The following CRACDL variants were observed in gnomAD, a reference collection of about 807,000 sequenced individuals.
CRACDL encodes CRACD-like protein.
CRACDL carries 26 observed loss-of-function variants against 70.6 expected under a neutral mutation model. That is an observed-to-expected ratio of 0.37 (90% CI 0.27 to 0.51). CRACDL has a LOEUF of 0.51. Among genes scored for constraint, CRACDL ranks in the 20% least tolerant of loss-of-function variants. The probability of loss-of-function intolerance (pLI) is 0.94; values close to 1 mark genes in which losing one functional copy is unlikely to be tolerated. For synonymous variants in CRACDL, 618 were observed against 615.2 expected, an observed-to-expected ratio of 1.00 and a Z score of -0.07; for missense variants, 1,283 against 1,376.9, an observed-to-expected ratio of 0.93 and a Z score of 1.08.
intron 6 of CRACDL, among the ~76,000 whole-genome samples, chr2:98,826,189 G>T (rs886373403): frequency 1.1e-4 from 17 of 152,180 alleles, no homozygotes; most frequent in African/African-American, 3.4e-4. Context: ...AGGACTAGGA[G>T]GTAACGACAC....
chr2:98,933,391 G>T (rs944476727), intron 1 of CRACDL, among the ~76,000 whole-genome samples: 9 of 152,200 alleles, frequency 5.9e-5, no homozygotes, highest in African/African-American at 2.2e-4. Context: ...TCCCACCAGG[G>T]ACGAAGCTAC....
In CRACDL at chr2:98,848,412, G is replaced by A. The variant is rs532387108; in HGVS notation, c.-10-1602C>T. On this transcript the variant is annotated intron_variant, in intron 1 of 9. Coordinates refer to ENST00000397899, the MANE Select transcript of CRACDL (RefSeq NM_207362.3). ...GAGGCAATGGAGAAGGAAAACATAC[G>A]GTGTAAGGGGAAGAGTGAAGATGGT... Among the ~76,000 whole-genome samples, 9 of 152,194 alleles carry A rather than the reference G, an allele frequency of 5.9e-5. No homozygotes were observed. The East Asian group carries it at 1.5e-3, about 26-fold the overall frequency.
rs565377234 is a variant in CRACDL, at chr2:98,929,629, G to A, written c.-11+6309C>T. Among the ~76,000 whole-genome samples the A allele has an allele frequency of 2.8e-4, 43 of 152,188 alleles. 3 individuals are homozygous for A. In the East Asian group the frequency reaches 4.1e-3, roughly 14 times the overall value. On this transcript the variant is annotated intron_variant, in intron 1 of 9. Coordinates refer to ENST00000397899, the MANE Select transcript of CRACDL (RefSeq NM_207362.3). ...CCTGGTCCCAGAATGCCCCAGGCAC[G>A]GCAGGCTCCCCCATCTGGATGGGAT...
intron 7 of CRACDL, among the ~76,000 whole-genome samples, chr2:98,798,505 CAT>C (rs1202698043): frequency 7.1e-6 from 1 of 141,290 alleles, no homozygotes; most frequent in Non-Finnish European, 1.5e-5. Context: ...AAAAAGACAC[CAT>C]ATGTTTTGTG....
At chr2:98,847,676 C>T (rs1326578546) in intron 1 of CRACDL, among the ~76,000 whole-genome samples, 1 of 152,176 alleles carries the variant, frequency 6.6e-6, no homozygotes, top group East Asian at 1.9e-4. Context: ...GTGTCCATGC[C>T]TTCCATAACT....
chr2:98,918,539 CAAAAAAAAAAAAAA>C (rs58312556), intron 1 of CRACDL, among the ~76,000 whole-genome samples: 3 of 66,358 alleles, frequency 4.5e-5, no homozygotes, highest in Non-Finnish European at 8.6e-5. Flanking sequence ...TGTTGTCTAC[CAAAAAAAAAAAAAA>C]AAAAAAAAAA....
rs553139683 is a variant in CRACDL at position 98,896,449 on chromosome 2, G to A, written c.-11+39489C>T. Among the ~76,000 whole-genome samples the A allele has an allele frequency of 8.5e-5, 13 of 152,194 alleles. No homozygotes were observed. The East Asian group carries it at 2.5e-3, about 29-fold the overall frequency. ...CAAAAGGAAATAAATCCTGAGAGTG[G>A]CCCAAAAAAAATCCACCCAAACCTG... On this transcript the variant is annotated intron_variant, in intron 1 of 9. Transcript: ENST00000397899.
chr2:98,835,067 A>G (rs893469813), intron 3 of CRACDL, among the ~76,000 whole-genome samples: 1 of 152,244 alleles, frequency 6.6e-6, no homozygotes, highest in African/African-American at 2.4e-5. Context: ...TTATAAATAT[A>G]TGATAGGTTA....
At chr2:98,915,882 C>T (rs1708652368) in intron 1 of CRACDL, among the ~76,000 whole-genome samples, 1 of 152,174 alleles carries the variant, frequency 6.6e-6, no homozygotes, top group African/African-American at 2.4e-5. Flanking sequence ...TGAGGACATG[C>T]TTTCTAGGCA....
chr2:98,820,122 C>T (rs1704964587), intron 7 of CRACDL, among the ~76,000 whole-genome samples: 1 of 151,560 alleles, frequency 6.6e-6, no homozygotes, highest in African/African-American at 2.4e-5. Flanking sequence ...CGGGCCAAAA[C>T]ATTTTTAAAA....
chr2:98,819,154 C>G (rs1382336700), intron 7 of CRACDL, among the ~76,000 whole-genome samples: 1 of 152,114 alleles, frequency 6.6e-6, no homozygotes, highest in Non-Finnish European at 1.5e-5. Flanking sequence ...GAAAAATACA[C>G]AAAGTATTTA....
rs1386863695 is a variant in CRACDL, at chr2:98,823,046, C to T, written c.1227G>A (p.Gly409=). Residue 409 remains glycine (G), a synonymous_variant, in exon 7 of 10, where the codon GGG becomes GGA. Coordinates refer to ENST00000397899, the MANE Select transcript of CRACDL (RefSeq NM_207362.3). The surrounding 1 kb of genome is among the most constrained non-coding windows in gnomAD (Gnocchi z 4.0). ...GGTCAGTCTCGGGGGGAGTCGTGTC[C>T]CCCTCAGGGATGGCGGTGGGAAACG... ...ASPFPTAIPE[G]DTTPPETDPA... 1 of 1,537,184 alleles carries T rather than the reference C, an allele frequency of 6.5e-7. No individual in the cohort carries two copies. Among genetic ancestry groups the T allele is most frequent in the Non-Finnish European group, 8.8e-7 (1 of 1,140,146 alleles).
chr2:98,811,931 C>T (rs959051146), intron 7 of CRACDL, among the ~76,000 whole-genome samples: 14 of 152,166 alleles, frequency 9.2e-5, no homozygotes, highest in Non-Finnish European at 2.1e-4. Context: ...TCCCATTCAC[C>T]AGCTGAGTTA....
At chr2:98,907,183 T>A (rs1027609715) in intron 1 of CRACDL, among the ~76,000 whole-genome samples, 5 of 152,096 alleles carry the variant, frequency 3.3e-5, no homozygotes, top group African/African-American at 1.2e-4. Flanking sequence ...TCCCAGCTAC[T>A]CAGGAGGCTG....
At chr2:98,911,146 A>C (rs1430955706) in intron 1 of CRACDL, among the ~76,000 whole-genome samples, 1 of 152,152 alleles carries the variant, frequency 6.6e-6, no homozygotes, top group African/African-American at 2.4e-5. Flanking sequence ...CGTCACAGGC[A>C]CACCCCTCTT....
intron 5 of CRACDL, among the ~76,000 whole-genome samples, chr2:98,829,991 C>T (rs1705471638): frequency 6.6e-6 from 1 of 152,228 alleles, no homozygotes; most frequent in East Asian, 1.9e-4. Flanking sequence ...CCTGAGGCCT[C>T]CCTCCGGAGC....
At chr2:98,920,578 G>A (rs779089522) in intron 1 of CRACDL, among the ~76,000 whole-genome samples, 38 of 151,898 alleles carry the variant, frequency 2.5e-4, no homozygotes, top group Admixed American at 5.2e-4. Flanking sequence ...TCCAGCACCC[G>A]TCCAGTCCCA....
At chr2:98,921,410 T>G (rs1228081461) in intron 1 of CRACDL, among the ~76,000 whole-genome samples, 1 of 152,204 alleles carries the variant, frequency 6.6e-6, no homozygotes, top group Non-Finnish European at 1.5e-5. Flanking sequence ...AAACCAACAC[T>G]GGGCAGTGCC....
At chr2:98,876,006 G>A (rs936707600) in intron 1 of CRACDL, among the ~76,000 whole-genome samples, 1 of 152,144 alleles carries the variant, frequency 6.6e-6, no homozygotes, top group Non-Finnish European at 1.5e-5. Context: ...TCAGTCAGCC[G>A]GACCCCAGGT....
Sources: allele counts gnomAD v4.1 joint callset (sites outside exome capture counted in the v4.1 genomes callset), GRCh38; gene constraint gnomAD v4.1.1; non-coding constraint Gnocchi (gnomAD v3.1); transcripts MANE v1.5; gene names NCBI Gene and HGNC (gene_info 2026-07-23, HGNC 2026-07-21).